The following DIAPH2 variants were observed in gnomAD, a reference collection of about 807,000 sequenced individuals.
DIAPH2 encodes protein diaphanous homolog 2.
DIAPH2 carries 35 observed loss-of-function variants against 92.7 expected under a neutral mutation model. That is an observed-to-expected ratio of 0.38 (90% confidence interval 0.29 to 0.50). DIAPH2 has a LOEUF of 0.50. DIAPH2 is among the 20% of genes least tolerant of loss of function. DIAPH2 has a pLI of 0.94. For synonymous variants in DIAPH2, 301 were observed against 280.4 expected (o/e 1.07, Z -0.73); for missense variants, 701 against 819.5 (o/e 0.86, Z 1.77).
At chrX:97,427,357 T>C (rs951412708) in intron 25 of DIAPH2, among the ~76,000 whole-genome samples, 3 of 111,679 alleles carry the variant, frequency 2.7e-5, no homozygotes, top group Non-Finnish European at 5.6e-5. Flanking sequence ...ATCTGGGCAC[T>C]AATTCCTAGT....
intron 4 of DIAPH2, among the ~76,000 whole-genome samples, chrX:96,786,476 A>G (rs1045337304): frequency 9.8e-5 from 11 of 112,268 alleles, no homozygotes; most frequent in African/African-American, 2.6e-4. Flanking sequence ...GTTATTCTAA[A>G]TGTAATTGTT....
At chrX:96,834,378 C>T in intron 4 of DIAPH2, among the ~76,000 whole-genome samples, 1 of 111,865 alleles carries the variant, frequency 8.9e-6, no homozygotes, top group South Asian at 3.8e-4. Context: ...TAATCTGCAG[C>T]AGCTAGTGAG....
At chrX:96,993,815 G>GA (rs2066087750) in intron 17 of DIAPH2, among the ~76,000 whole-genome samples, 1 of 112,006 alleles carries the variant, frequency 8.9e-6, no homozygotes, top group Admixed American at 9.5e-5. Flanking sequence ...TGTTTGCAGA[G>GA]AAAAATAATA....
At chrX:97,114,660 C>G in intron 20 of DIAPH2, 66 bp from the exon 21 acceptor site, 1 of 947,439 alleles carries the variant, frequency 1.1e-6, no homozygotes, top group East Asian at 3.3e-5. Context: ...TGAAATTATC[C>G]CCACTAAAGA....
chrX:97,121,369 T>G (rs2067056638), intron 21 of DIAPH2, among the ~76,000 whole-genome samples: 1 of 111,917 alleles, frequency 8.9e-6, no homozygotes, highest in Non-Finnish European at 1.9e-5. Flanking sequence ...TCACCGTGTC[T>G]TTACTTGACA....
At chrX:96,794,521 CAAA>C (rs57508608) in intron 4 of DIAPH2, among the ~76,000 whole-genome samples, 1 of 81,350 alleles carries the variant, frequency 1.2e-5, no homozygotes, top group Non-Finnish European at 2.6e-5. Context: ...ATTAAATTGC[CAAA>C]AAAAAAAAAA....
chrX:97,048,490 C>T (rs1406366666), intron 17 of DIAPH2, among the ~76,000 whole-genome samples: 1 of 111,222 alleles, frequency 9.0e-6, no homozygotes, highest in Admixed American at 9.6e-5. Flanking sequence ...AGTCAGTTTT[C>T]GATTAAGGTA....
chrX:97,414,237 AG>A (rs1161946704), intron 25 of DIAPH2, among the ~76,000 whole-genome samples: 4 of 111,799 alleles, frequency 3.6e-5, no homozygotes, highest in Admixed American at 1.9e-4. Flanking sequence ...CAGAGGCATC[AG>A]AAATAATACT....
intron 22 of DIAPH2, among the ~76,000 whole-genome samples, chrX:97,224,379 TA>T: frequency 8.9e-6 from 1 of 112,091 alleles, no homozygotes; most frequent in East Asian, 2.8e-4. Flanking sequence ...GGCCCATCAA[TA>T]AACCACTTTC....
At chrX:97,566,355 C>T (rs777971696) in intron 26 of DIAPH2, among the ~76,000 whole-genome samples, 4 of 111,382 alleles carry the variant, frequency 3.6e-5, no homozygotes, top group Non-Finnish European at 5.7e-5. Flanking sequence ...TTTTATTCAT[C>T]GTATATATGT....
intron 1 of DIAPH2, among the ~76,000 whole-genome samples, chrX:96,731,694 C>T (rs1424356031): frequency 2.7e-5 from 3 of 111,463 alleles, no homozygotes; most frequent in African/African-American, 6.5e-5. Flanking sequence ...AGTCATTTCT[C>T]TTAGTCTTAA....
intron 22 of DIAPH2, among the ~76,000 whole-genome samples, chrX:97,167,307 A>G (rs185407460): frequency 1.1e-4 from 12 of 112,082 alleles, no homozygotes. Context: ...ACATCTGTTA[A>G]ATGTATCAGT....
chrX:97,462,910 A>T (rs1413408270), intron 26 of DIAPH2, among the ~76,000 whole-genome samples: 4 of 111,605 alleles, frequency 3.6e-5, no homozygotes, highest in Non-Finnish European at 5.6e-5. Flanking sequence ...TTGTGTATGT[A>T]ATTGCTTTTA....
At chrX:96,958,207 G>T (rs1178550751) in intron 16 of DIAPH2, 59 bp downstream of exon 16, 5 of 1,133,886 alleles carry the variant, frequency 4.4e-6, no homozygotes, top group Non-Finnish European at 5.9e-6. Flanking sequence ...ATTGCTATGT[G>T]TACACATTGT....
intron 4 of DIAPH2, among the ~76,000 whole-genome samples, chrX:96,839,524 CACTT>C (rs1221756431): frequency 9.0e-6 from 1 of 111,413 alleles, no homozygotes; most frequent in Non-Finnish European, 1.9e-5. Context: ...AATTTACAGA[CACTT>C]AATTTTTTCC....
chrX:96,806,294 C>T (rs765434574), intron 4 of DIAPH2, among the ~76,000 whole-genome samples: 14 of 111,362 alleles, frequency 1.3e-4, no homozygotes, highest in African/African-American at 4.6e-4. Flanking sequence ...TGGCATTTCA[C>T]CACTGATGCT....
intron 22 of DIAPH2, 90 bp downstream of exon 22, chrX:97,141,884 G>C (rs1281978688): frequency 1.0e-6 from 1 of 993,791 alleles, no homozygotes; most frequent in African/African-American, 2.0e-5. Flanking sequence ...ATTCATAAAA[G>C]TATTTTTTGT....
chrX:96,787,515 G>A (rs1312559430), intron 4 of DIAPH2, among the ~76,000 whole-genome samples: 3 of 109,703 alleles, frequency 2.7e-5, no homozygotes, highest in Non-Finnish European at 5.7e-5. Context: ...TAAAAAATTA[G>A]GCTTCTTTTC....
At chrX:96,844,502 T>C (rs2064958014) in intron 4 of DIAPH2, among the ~76,000 whole-genome samples, 1 of 112,443 alleles carries the variant, frequency 8.9e-6, no homozygotes, top group Admixed American at 9.4e-5. Flanking sequence ...TTTTCCTTTA[T>C]TTTTAGATCA....
Sources: allele counts gnomAD v4.1 joint callset (sites outside exome capture counted in the v4.1 genomes callset), GRCh38; gene constraint gnomAD v4.1.1; transcripts MANE v1.5; gene names NCBI Gene and HGNC (gene_info 2026-07-23, HGNC 2026-07-21).